The following USP32 variants were observed in gnomAD, a reference collection of about 807,000 sequenced individuals.
USP32 encodes the protein ubiquitin specific peptidase 32, also known as ubiquitin carboxyl-terminal hydrolase 32.
USP32 carries 59 observed loss-of-function variants against 204.8 expected under a neutral mutation model. The observed-to-expected ratio is 0.29, with a 90% confidence interval of 0.23 to 0.36. The LOEUF is 0.36. USP32 is among the 10% of genes least tolerant of loss of function. The probability of loss-of-function intolerance (pLI) is 1.00; values close to 1 mark genes in which losing one functional copy is unlikely to be tolerated. For synonymous variants in USP32, 517 were observed against 678.4 expected (o/e 0.76, Z 3.70); for missense variants, 1,160 against 1,946.4 (o/e 0.60, Z 7.60).
chr17:60,224,787 A>G (rs1309837909), intron 13 of USP32, among the ~76,000 whole-genome samples: 1 of 152,132 alleles, frequency 6.6e-6, no homozygotes, highest in Non-Finnish European at 1.5e-5. Context: ...TGTCTCTTTA[A>G]GTAAATAAAT....
chr17:60,241,039 C>T (rs2085863864), intron 11 of USP32, among the ~76,000 whole-genome samples: 1 of 152,120 alleles, frequency 6.6e-6, no homozygotes, highest in Non-Finnish European at 1.5e-5. Context: ...GCTCTGTTGC[C>T]CAGGCTGGAG....
chr17:60,235,834 T>C (rs943548910), intron 12 of USP32, among the ~76,000 whole-genome samples: 1 of 152,190 alleles, frequency 6.6e-6, no homozygotes, highest in African/African-American at 2.4e-5. Context: ...AATATTATCT[T>C]CCTCACAAGG....
chr17:60,276,406 G>A (rs775426346), intron 5 of USP32, among the ~76,000 whole-genome samples: 1 of 152,044 alleles, frequency 6.6e-6, no homozygotes, highest in Non-Finnish European at 1.5e-5. Flanking sequence ...TAAATAAGAT[G>A]TCTGTCTATT....
At chr17:60,228,345 T>A (rs960331321) in intron 12 of USP32, among the ~76,000 whole-genome samples, 50 of 152,124 alleles carry the variant, frequency 3.3e-4, no homozygotes, top group Non-Finnish European at 5.4e-4. Flanking sequence ...GACAAGACAG[T>A]AGAACCAAAA....
chr17:60,389,995 C>A (rs547780492), intron 1 of USP32, among the ~76,000 whole-genome samples: 2 of 151,908 alleles, frequency 1.3e-5, no homozygotes, highest in Admixed American at 6.6e-5. Context: ...CCAGCCTGGG[C>A]AACAGAGCAA....
chr17:60,390,424 A>G (rs2089811061), intron 1 of USP32, among the ~76,000 whole-genome samples: 1 of 152,246 alleles, frequency 6.6e-6, no homozygotes, highest in Non-Finnish European at 1.5e-5. Flanking sequence ...GGAAATGACT[A>G]GCCTACTAGG....
chr17:60,382,641 G>A (rs2146117774), intron 1 of USP32, among the ~76,000 whole-genome samples: 1 of 152,270 alleles, frequency 6.6e-6, no homozygotes, highest in Non-Finnish European at 1.5e-5. Flanking sequence ...AGCTCTGTGT[G>A]TTGAATTTTA....
intron 7 of USP32, among the ~76,000 whole-genome samples, chr17:60,268,396 C>T (rs1011267675): frequency 1.4e-5 from 2 of 138,598 alleles, no homozygotes; most frequent in Non-Finnish European, 1.5e-5. Flanking sequence ...TAACAAGACA[C>T]TATCTCTATT....
rs74558784 is a variant in USP32 at position 60,327,595 on chromosome 17, T to C, written c.186+17886A>G. ...GGCAGAGAGGGGCCCAGCGAGGACA[T>C]GGAGCCCCCACACCAGGCTGCAAGG... On this transcript the variant is annotated intron_variant, in intron 2 of 33. Transcript: ENST00000300896. Among the ~76,000 whole-genome samples the C allele has an allele frequency of 3.7e-3, 556 of 149,004 alleles. 21 individuals are homozygous for C. The East Asian group carries it at 0.087, about 23-fold the overall frequency.
intron 16 of USP32, 154 bp downstream of exon 16, chr17:60,219,516 T>C: frequency 1.0e-6 from 1 of 973,468 alleles, no homozygotes; most frequent in South Asian, 1.7e-5. Flanking sequence ...GATGGGAATG[T>C]GTATCAATAC....
chr17:60,223,643 C>T, intron 13 of USP32, 57 bp from the exon 14 acceptor site: 8 of 1,482,608 alleles, frequency 5.4e-6, no homozygotes, highest in Non-Finnish European at 7.3e-6. Flanking sequence ...CATAAACAGG[C>T]TTGAGGATAT....
intron 1 of USP32, among the ~76,000 whole-genome samples, chr17:60,404,928 G>A (rs889726559): frequency 6.6e-6 from 1 of 152,134 alleles, no homozygotes; most frequent in African/African-American, 2.4e-5. Flanking sequence ...TGTAATCCCA[G>A]CACTTTGGGA....
chr17:60,246,995 CTGTT>C (rs1386592626), intron 11 of USP32, among the ~76,000 whole-genome samples: 1 of 152,146 alleles, frequency 6.6e-6, no homozygotes, highest in Non-Finnish European at 1.5e-5. Context: ...TCTCTTCACT[CTGTT>C]GACTGTTTCC....
intron 5 of USP32, among the ~76,000 whole-genome samples, chr17:60,282,385 C>T (rs1202478675): frequency 2.6e-5 from 4 of 152,034 alleles, no homozygotes; most frequent in Non-Finnish European, 4.4e-5. Context: ...GACGGGGTCT[C>T]GCTCTATTGC....
intron 11 of USP32, among the ~76,000 whole-genome samples, chr17:60,248,758 T>C (rs901891297): frequency 5.9e-5 from 9 of 152,252 alleles, no homozygotes; most frequent in Non-Finnish European, 2.9e-5. Flanking sequence ...TGAAAACATT[T>C]ACAATAGTTG....
chr17:60,269,982 G>T (rs1391032694), intron 6 of USP32, among the ~76,000 whole-genome samples: 4 of 152,060 alleles, frequency 2.6e-5, no homozygotes, highest in African/African-American at 9.7e-5. Flanking sequence ...ATACACTATG[G>T]TATCATTAAT....
At chr17:60,319,389 G>A (rs915695427) in intron 2 of USP32, among the ~76,000 whole-genome samples, 3 of 152,138 alleles carry the variant, frequency 2.0e-5, no homozygotes, top group Non-Finnish European at 4.4e-5. Flanking sequence ...AGTAGCTCTT[G>A]CCACAACAAA....
chr17:60,289,493 G>A (rs1233801981), intron 4 of USP32, among the ~76,000 whole-genome samples: 1 of 152,098 alleles, frequency 6.6e-6, no homozygotes, highest in African/African-American at 2.4e-5. Flanking sequence ...TAGACATTCA[G>A]GATCCCAGAA....
intron 12 of USP32, among the ~76,000 whole-genome samples, chr17:60,233,748 A>T (rs1023734073): frequency 1.3e-5 from 2 of 152,158 alleles, no homozygotes; most frequent in African/African-American, 4.8e-5. Context: ...CCACCTTATT[A>T]ATAAGTTGCC....
Sources: gnomAD v4.1 joint callset for allele counts (sites outside exome capture counted in the v4.1 genomes callset) on GRCh38, gnomAD v4.1.1 for gene constraint, MANE v1.5 for transcripts, NCBI Gene and HGNC (gene_info 2026-07-23, HGNC 2026-07-21) for gene names.